PLCD3: variants seen among roughly 807,000 people sequenced by gnomAD.
PLCD3 encodes 1-phosphatidylinositol 4,5-bisphosphate phosphodiesterase delta-3.
Under a neutral mutation model 82.8 loss-of-function variants are expected in PLCD3, and 62 were observed. The ratio of observed to expected loss-of-function variants is 0.75; its 90% confidence interval spans 0.61 to 0.93. PLCD3 has a LOEUF of 0.93. PLCD3 is among the 40% of genes least tolerant of loss of function. The pLI is 0.00. For synonymous variants in PLCD3, 478 were observed against 471.8 expected (o/e 1.01, Z -0.17); for missense variants, 1,023 against 1,103.4 (o/e 0.93, Z 1.03).
At chr17:45,121,487 T>A in intron 1 of PLCD3, 115 bp from the exon 2 acceptor site, 2 of 1,256,814 alleles carry the variant, frequency 1.6e-6, no homozygotes, top group Non-Finnish European at 2.1e-6. Flanking sequence ...CAGGCCTTCA[T>A]CCCACAGTAA....
Position 45,118,712 on chromosome 17 carries a change from T to A in PLCD3, c.913+103A>T. 1 of 1,268,744 alleles carries A rather than the reference T, an allele frequency of 7.9e-7. No individual in the cohort carries two copies. The highest frequency in any genetic ancestry group is 1.1e-6 in the Non-Finnish European group (1 of 929,930). 78.6% of individuals were successfully genotyped at this position (1,268,744 alleles called of 1,614,324 possible). A position where few individuals can be genotyped will look rare whatever the true frequency, so the allele number is the denominator to read the frequency against. ...GAAGCTGAGTCTGGAGGAGGTGAGGTAACCTGCCCGAGATGATGCCCGCGC... is the reference window on the plus strand; with the variant it reads ...GAAGCTGAGTCTGGAGGAGGTGAGGAAACCTGCCCGAGATGATGCCCGCGC... On this transcript the variant is annotated intron_variant, in intron 5 of 14. Transcript: ENST00000619929. The surrounding 1 kb of genome is among the most constrained non-coding windows in gnomAD (Gnocchi z 4.1).
chr17:45,118,118 C>T lies in PLCD3; in HGVS notation c.1136G>A (p.Arg379His), dbSNP rs754459321. ...AYVRAFAQGC[R>H]CVELDCWEGP... is the part of the protein sequence containing the mutation. ...CTCCCAGCAGTCCAGCTCCACGCAG[C>T]GGCATCCCTGGGCAAAGGCCCTGTG... Residue 379 changes from arginine (R) to histidine (H), a missense_variant, in exon 7 of 15, where the codon CGC (arginine) becomes CAC (histidine). Transcript: ENST00000619929. This position sits in a 1 kb window ranked among gnomAD's most constrained non-coding sequence, Gnocchi z 4.1. 9 of 1,613,770 alleles carry T rather than the reference C, an allele frequency of 5.6e-6. No homozygotes were observed. The highest frequency in any genetic ancestry group is 2.2e-5 in the South Asian group (2 of 91,078).
At position 45,118,310 on chromosome 17, in the gene PLCD3, T is replaced by C; in HGVS notation, c.1096A>G (p.Ser366Gly). Residue 366 changes from serine (S) to glycine (G), a missense_variant, in exon 6 of 15, where the codon AGC becomes GGC. Physicochemically the swap from Ser to Gly is moderately conservative, Grantham distance 56. Transcript: ENST00000619929. The surrounding 1 kb of genome is among the most constrained non-coding windows in gnomAD (Gnocchi z 4.1). ...CAGTACCTAACATAGGCCTCGGTGC[T>C]GCTGGGCCCCCCGATCTGGGAGTCA... Reference protein sequence around the residue: ...LTDSQIGGPSSTEAYVRAFAQ... With the variant: ...LTDSQIGGPSGTEAYVRAFAQ... 1 of 1,614,036 alleles carries C rather than the reference T, an allele frequency of 6.2e-7. No individual in the cohort carries two copies. Among genetic ancestry groups the C allele is most frequent in the Non-Finnish European group, 8.5e-7 (1 of 1,179,898 alleles).
Position 45,124,438 on chromosome 17 carries a change from A to C in PLCD3, c.164-3066T>G, listed in dbSNP as rs2054365933. ...CCCCCAAACACACACCCAGTGGAAA[A>C]GCCAAACAGAAGGAGGGTGCAGTCC... On this transcript the variant is annotated intron_variant, in intron 1 of 14. Coordinates refer to ENST00000619929, the MANE Select transcript of PLCD3 (RefSeq NM_133373.5). 2.6e-5 allele frequency among the ~76,000 whole-genome samples: 4 copies of C among 152,092 alleles called. No homozygotes were observed. The South Asian group carries it at 8.3e-4, about 32-fold the overall frequency.
Position 45,118,079 on chromosome 17 carries a change from TC to T in PLCD3, c.1174del (p.Glu392SerfsTer64). On this transcript the variant is annotated frameshift_variant, in exon 7 of 15. Transcript: ENST00000619929. LOFTEE classifies it high-confidence loss of function. This position sits in a 1 kb window ranked among gnomAD's most constrained non-coding sequence, Gnocchi z 4.1. ...GGTATGGCCATGATAGATGACGGGC[TC>T]CCCTCCTGGCCCCTCCCAGCAGTCC... ...ELDCWEGPGGEPVIYHGHTLT... is the reference protein window; with the variant it reads ...ELDCWEGPGGXPVIYHGHTLT... 6.2e-7 allele frequency: 1 copy of T among 1,613,770 alleles called. No individual in the cohort carries two copies. The highest frequency in any genetic ancestry group is 2.2e-5 in the East Asian group (1 of 44,870).
At chr17:45,113,708 C>G (rs1316232087) in intron 11 of PLCD3, 103 bp from the exon 12 acceptor site, 2 of 1,390,494 alleles carry the variant, frequency 1.4e-6, no homozygotes, top group East Asian at 5.0e-5. Flanking sequence ...TGGGGTCCCA[C>G]TGTCTGCTTA....
In PLCD3 at chr17:45,110,063, G is replaced by A. The variant is rs1344579736; in HGVS notation, c.*2553C>T. ...ACTGCACTCTAGCCTAGGCGACAGA[G>A]CGAGACTCCATCTCAAAAAAACAAA... On this transcript the variant is annotated 3_prime_UTR_variant, in exon 15 of 15. Transcript: ENST00000619929. 2 of 151,834 alleles carry A rather than the reference G, an allele frequency of 1.3e-5. No individual in the cohort carries two copies. Among genetic ancestry groups the A allele is most frequent in the African/African-American group, 2.4e-5 (1 of 41,246 alleles). The allele number at this position is 151,834 out of a possible 1,614,324, so 9.4% of individuals were successfully genotyped here. A position where few individuals can be genotyped will look rare whatever the true frequency, so the allele number is the denominator to read the frequency against.
In PLCD3 at chr17:45,112,523, G is replaced by T; in HGVS notation, c.*93C>A. 7.4e-7 allele frequency: 1 copy of T among 1,350,908 alleles called. No homozygotes were observed. The highest frequency in any genetic ancestry group is 1.0e-6 in the Non-Finnish European group (1 of 970,998). The allele number at this position is 1,350,908 out of a possible 1,614,324, so 83.7% of individuals were successfully genotyped here. On this transcript the variant is annotated 3_prime_UTR_variant, in exon 15 of 15. Transcript: ENST00000619929. ...GGCCAAGTGGGTGGGCTGGGGGGCT[G>T]GTACTCCCACCACCTGACTCCAGAG...
Position 45,115,189 on chromosome 17 carries a change from C to CA in PLCD3, c.1615_1616insT (p.Arg539LeufsTer109). ...GGGGGCAGGGTGCAGGGTCCGCAGG[C>CA]GGGTGGCGTGGCAGTACACAGCCAG... On this transcript the variant is annotated frameshift_variant, in exon 10 of 15. Coordinates refer to ENST00000619929, the MANE Select transcript of PLCD3 (RefSeq NM_133373.5). LOFTEE classifies it high-confidence loss of function. 1 of 1,584,952 alleles carries CA rather than the reference C, an allele frequency of 6.3e-7. No homozygotes were observed. The highest frequency in any genetic ancestry group is 1.2e-5 in the South Asian group (1 of 86,826).
intron 1 of PLCD3, among the ~76,000 whole-genome samples, chr17:45,126,848 T>TG (rs1679183443): frequency 6.6e-6 from 1 of 151,998 alleles, no homozygotes; most frequent in Non-Finnish European, 1.5e-5. Context: ...TTTGTAGAGT[T>TG]GGGGTCACAC....
chr17:45,120,505 C>A (rs2054327857), intron 3 of PLCD3, 51 bp from the exon 4 acceptor site: 2 of 1,610,906 alleles, frequency 1.2e-6, no homozygotes, highest in Admixed American at 3.3e-5. Flanking sequence ...CCCCAGCCCT[C>A]AGGTAACTGG....
At position 45,115,037 on chromosome 17, in the gene PLCD3, C is replaced by T. The variant is rs978507932; in HGVS notation, c.1711+57G>A. ...AGCCCCCTCAACTCCTTTCCAGACT[C>T]CCTTCAGGAGGTCTCTCACCCTCTC... On this transcript the variant is annotated intron_variant, in intron 10 of 14. Transcript: ENST00000619929. 3.9e-6 allele frequency: 6 copies of T among 1,541,168 alleles called. No individual in the cohort carries two copies. The African/African-American group carries it at 5.5e-5, about 14-fold the overall frequency.
intron 7 of PLCD3, among the ~76,000 whole-genome samples, chr17:45,117,603 A>G (rs1011411588): frequency 6.6e-6 from 1 of 152,116 alleles, no homozygotes; most frequent in Non-Finnish European, 1.5e-5. Flanking sequence ...CTCTCCTCCC[A>G]TCATTTGCTG....
chr17:45,121,237 A>G lies in PLCD3; in HGVS notation c.299T>C (p.Ile100Thr). 1 of 1,591,020 alleles carries G rather than the reference A, an allele frequency of 6.3e-7. No individual in the cohort carries two copies. The highest frequency in any genetic ancestry group is 8.5e-7 in the Non-Finnish European group (1 of 1,176,688). The change falls in exon 2 of 15, where the codon ATC (isoleucine) becomes ACC (threonine). Residue 100 changes from isoleucine to threonine, a missense_variant. This residue lies in a region of PLCD3 where 448 missense variants were observed against 406.3 expected (regional missense o/e 1.10). Transcript: ENST00000619929. Reference protein sequence around the residue: ...DGLSVWFQRRIPRAPSQHIFF... With the variant: ...DGLSVWFQRRTPRAPSQHIFF... ...GATGTGCTGCGATGGCGCACGCGGG[A>G]TGCGCCGCTGGAACCACACGCTCAG...
chr17:45,128,014 T>A (rs2054394545), intron 1 of PLCD3, among the ~76,000 whole-genome samples: 1 of 152,080 alleles, frequency 6.6e-6, no homozygotes, highest in Non-Finnish European at 1.5e-5. Flanking sequence ...TGGCCGGGGC[T>A]GTGAGGCTCT....
intron 1 of PLCD3, among the ~76,000 whole-genome samples, chr17:45,124,906 C>T (rs1367310778): frequency 1.3e-5 from 2 of 152,248 alleles, no homozygotes; most frequent in Non-Finnish European, 2.9e-5. Context: ...GTGGAAACAA[C>T]CCGAGTGCTC....
intron 1 of PLCD3, among the ~76,000 whole-genome samples, chr17:45,123,220 T>C (rs953237138): frequency 6.6e-5 from 10 of 152,130 alleles, no homozygotes; most frequent in Admixed American, 5.2e-4. Flanking sequence ...GTAGGATCCT[T>C]CTCCCTTCTC....
Position 45,112,544 on chromosome 17 carries a change from C to G in PLCD3, c.*72G>C, listed in dbSNP as rs987644419. The G allele has an allele frequency of 6.8e-7, 1 of 1,465,130 alleles. No homozygotes were observed. Among genetic ancestry groups the G allele is most frequent in the Non-Finnish European group, 9.3e-7 (1 of 1,070,522 alleles). 90.8% of individuals were successfully genotyped at this position (1,465,130 alleles called of 1,614,324 possible). On this transcript the variant is annotated 3_prime_UTR_variant, in exon 15 of 15. Coordinates refer to ENST00000619929, the MANE Select transcript of PLCD3 (RefSeq NM_133373.5). ...GGCTGGTACTCCCACCACCTGACTC[C>G]AGAGGAGGAGAGGGCTCTGCAGGGG...
intron 4 of PLCD3, 103 bp downstream of exon 4, chr17:45,120,222 G>A (rs2054325011): frequency 6.7e-7 from 1 of 1,482,104 alleles, no homozygotes; most frequent in Admixed American, 2.0e-5. Context: ...CAAAAAAGCT[G>A]CAGGTGGAGA....
Sources: allele counts gnomAD v4.1 joint callset (sites outside exome capture counted in the v4.1 genomes callset), GRCh38; gene constraint gnomAD v4.1.1; regional missense constraint gnomAD v4.1.1; non-coding constraint Gnocchi (gnomAD v3.1); transcripts MANE v1.5; gene names NCBI Gene and HGNC (gene_info 2026-07-23, HGNC 2026-07-21).